RSPRY1: variants seen among roughly 807,000 people sequenced by gnomAD.
The protein encoded by RSPRY1 is ring finger and SPRY domain containing 1, also known as RING finger and SPRY domain-containing protein 1.
A neutral mutation model predicts 73.1 loss-of-function variants in RSPRY1; 23 were observed. The ratio of observed to expected loss-of-function variants is 0.31; its 90% CI spans 0.23 to 0.45. RSPRY1 has a LOEUF of 0.45. Among genes scored for constraint, RSPRY1 ranks in the 20% least tolerant of loss-of-function variants. The probability of loss-of-function intolerance (pLI) is 1.00; values close to 1 mark genes in which losing one functional copy is unlikely to be tolerated. For missense variants in RSPRY1, 448 were observed against 698.7 expected (o/e 0.64, Z 4.05); for synonymous variants, 226 against 251.4 (o/e 0.90, Z 0.95).
chr16:57,233,932 C>T (rs932750126), intron 13 of RSPRY1, among the ~76,000 whole-genome samples: 4 of 152,300 alleles, frequency 2.6e-5, no homozygotes, highest in South Asian at 4.1e-4. Flanking sequence ...GTCTATTCAA[C>T]ACAGCCTCCA....
rs1597876910 is a variant in RSPRY1 at position 57,204,416 on chromosome 16, A to G, written c.-155-88A>G. On this transcript the variant is annotated intron_variant, in intron 1 of 14. Coordinates refer to ENST00000394420, the MANE Select transcript of RSPRY1 (RefSeq NM_133368.3). ...AAAGATAATTCTTCATTAGAATCCT[A>G]ATATCTATAAAATCAGACTAGGAAA... The G allele has an allele frequency of 6.7e-6, 3 of 447,108 alleles. No individual in the cohort carries two copies. In the Admixed American group the frequency reaches 1.1e-4, roughly 16 times the overall value. 27.7% of individuals were successfully genotyped at this position (447,108 alleles called of 1,614,324 possible). A position where few individuals can be genotyped will look rare whatever the true frequency, so the allele number is the denominator to read the frequency against.
At chr16:57,203,204 G>A in intron 1 of RSPRY1, among the ~76,000 whole-genome samples, 1 of 152,114 alleles carries the variant, frequency 6.6e-6, no homozygotes, top group East Asian at 1.9e-4. Context: ...GCTGAGGTAG[G>A]AGAATTGCTT....
In RSPRY1 at chr16:57,230,704, CCT is replaced by C; in HGVS notation, c.1274-4_1274-3del. On this transcript the variant is annotated splice_polypyrimidine_tract_variant and splice_region_variant and intron_variant, in intron 11 of 14. Transcript: ENST00000394420. ...TTATCCTAACAGTGTTTCTCTTTAT[CCT>C]CTAGGAGATACAGTAGGATTTCTGT... The C allele has an allele frequency of 6.7e-7, 1 of 1,485,984 alleles. No homozygotes were observed. Among genetic ancestry groups the C allele is most frequent in the Non-Finnish European group, 9.4e-7 (1 of 1,065,652 alleles). The allele number at this position is 1,485,984 out of a possible 1,614,324, so 92.0% of individuals were successfully genotyped here.
In RSPRY1 at chr16:57,217,046, G is replaced by C; in HGVS notation, c.901+11G>C. 1 of 1,613,950 alleles carries C rather than the reference G, an allele frequency of 6.2e-7. No individual in the cohort carries two copies. Among genetic ancestry groups the C allele is most frequent in the Non-Finnish European group, 8.5e-7 (1 of 1,179,904 alleles). ...GCTTAGACAATCTCTGTAAGTGGGAGTTGTCCTTTATTAAAATGTCCGTTT... is the reference window on the plus strand; with the variant it reads ...GCTTAGACAATCTCTGTAAGTGGGACTTGTCCTTTATTAAAATGTCCGTTT... On this transcript the variant is annotated intron_variant, in intron 8 of 14. Coordinates refer to ENST00000394420, the MANE Select transcript of RSPRY1 (RefSeq NM_133368.3).
At chr16:57,221,465 T>C (rs1452179262) in intron 10 of RSPRY1, 50 bp downstream of exon 10, 6 of 1,544,456 alleles carry the variant, frequency 3.9e-6, no homozygotes, top group Non-Finnish European at 4.4e-6. Flanking sequence ...AGTTTGCTTT[T>C]TCCCCCTAGT....
At chr16:57,219,502 C>G (rs1407772515) in intron 8 of RSPRY1, among the ~76,000 whole-genome samples, 5 of 152,174 alleles carry the variant, frequency 3.3e-5, no homozygotes, top group African/African-American at 1.2e-4. Context: ...ACTTTTTAAT[C>G]AGATTATTGA....
intron 1 of RSPRY1, among the ~76,000 whole-genome samples, chr16:57,199,895 G>GT (rs61132783): frequency 5.6e-4 from 60 of 106,272 alleles, no homozygotes; most frequent in African/African-American, 1.1e-3. Context: ...TTTTTTGTTT[G>GT]TTTTTTTTTT....
intron 1 of RSPRY1, among the ~76,000 whole-genome samples, chr16:57,195,513 AAAAAAT>A (rs1218190560): frequency 2.6e-5 from 4 of 152,200 alleles, no homozygotes; most frequent in Non-Finnish European, 1.5e-5. Flanking sequence ...ACTCCGTCTG[AAAAAAT>A]AAAAATAAAA....
chr16:57,202,507 C>T (rs139935010), intron 1 of RSPRY1, among the ~76,000 whole-genome samples: 10 of 152,214 alleles, frequency 6.6e-5, no homozygotes, highest in African/African-American at 2.2e-4. Flanking sequence ...AGTTATCTAC[C>T]CTCTAAAGCG....
intron 5 of RSPRY1, among the ~76,000 whole-genome samples, chr16:57,213,429 A>G (rs537849357): frequency 6.6e-6 from 1 of 152,388 alleles, no homozygotes; most frequent in East Asian, 1.9e-4. Context: ...TATAATTTGC[A>G]TATATACACA....
intron 9 of RSPRY1, 41 bp from the exon 10 acceptor site, chr16:57,221,231 A>T: frequency 6.2e-7 from 1 of 1,608,002 alleles, no homozygotes; most frequent in South Asian, 1.1e-5. Flanking sequence ...GGTGGTCTTC[A>T]GGCCCTCATA....
At chr16:57,207,570 T>A in intron 2 of RSPRY1, 1 of 456,130 alleles carries the variant, frequency 2.2e-6, no homozygotes, top group Non-Finnish European at 4.4e-6. Flanking sequence ...TTATGAAGTC[T>A]AAGCATGTAG....
At chr16:57,193,788 G>A (rs1014232610) in intron 1 of RSPRY1, among the ~76,000 whole-genome samples, 7 of 151,798 alleles carry the variant, frequency 4.6e-5, no homozygotes, top group African/African-American at 1.2e-4. Flanking sequence ...CATTTCAGCC[G>A]GGTGCGGTGG....
At chr16:57,238,817 G>A in intron 14 of RSPRY1, 62 bp from the exon 15 acceptor site, 1 of 839,774 alleles carries the variant, frequency 1.2e-6, no homozygotes, top group Non-Finnish European at 1.8e-6. Flanking sequence ...TTAGTTGGCA[G>A]GCAGTTGGAG....
At chr16:57,200,362 C>G (rs1275043661) in intron 1 of RSPRY1, among the ~76,000 whole-genome samples, 8 of 152,104 alleles carry the variant, frequency 5.3e-5, no homozygotes, top group Non-Finnish European at 1.2e-4. Context: ...ACCTTTCCCC[C>G]CTTTCTATTC....
intron 1 of RSPRY1, among the ~76,000 whole-genome samples, chr16:57,190,398 T>C (rs557192264): frequency 6.6e-6 from 1 of 152,294 alleles, no homozygotes; most frequent in East Asian, 1.9e-4. Context: ...TTTAGTAGGA[T>C]ACTTGTAAAG....
chr16:57,199,476 A>G (rs1289458049), intron 1 of RSPRY1, among the ~76,000 whole-genome samples: 1 of 152,162 alleles, frequency 6.6e-6, no homozygotes, highest in Non-Finnish European at 1.5e-5. Flanking sequence ...TGGGTGACAG[A>G]GTGAGACTCC....
chr16:57,230,841 C>T (rs780274135), intron 12 of RSPRY1, 28 bp downstream of exon 12: 1 of 1,292,282 alleles, frequency 7.7e-7, no homozygotes, highest in Non-Finnish European at 1.1e-6. Flanking sequence ...GTCAAAAATT[C>T]GAGTAGATGC....
intron 1 of RSPRY1, among the ~76,000 whole-genome samples, chr16:57,192,193 G>A (rs956451019): frequency 4.6e-5 from 7 of 152,158 alleles, no homozygotes; most frequent in Admixed American, 2.6e-4. Context: ...ACATCATTAA[G>A]GAAAATGTTG....
Sources: gnomAD v4.1 joint callset for allele counts (sites outside exome capture counted in the v4.1 genomes callset) on GRCh38, gnomAD v4.1.1 for gene constraint, MANE v1.5 for transcripts, NCBI Gene and HGNC (gene_info 2026-07-23, HGNC 2026-07-21) for gene names.